Variants in PTPRD observed in about 807,000 individuals in gnomAD.
PTPRD encodes receptor-type tyrosine-protein phosphatase delta.
Under a neutral mutation model 214.5 loss-of-function variants are expected in PTPRD, and 34 were observed. The observed-to-expected ratio is 0.16, with a 90% confidence interval of 0.12 to 0.21. PTPRD has a LOEUF of 0.21. PTPRD is among the 10% of genes least tolerant of loss of function. The pLI is 1.00. For synonymous variants in PTPRD, 1,128 were observed against 845.7 expected (o/e 1.33, Z -5.79); for missense variants, 2,545 against 2,398.7 (o/e 1.06, Z -1.27).
At chr9:8,391,468 C>T (rs1298153805) in intron 36 of PTPRD, among the ~76,000 whole-genome samples, 1 of 152,102 alleles carries the variant, frequency 6.6e-6, no homozygotes, top group Non-Finnish European at 1.5e-5. Flanking sequence ...TCCCCAACAC[C>T]AGATTACTGT....
intron 12 of PTPRD, among the ~76,000 whole-genome samples, chr9:8,694,627 AACTT>A (rs1467093620): frequency 5.3e-5 from 8 of 152,206 alleles, no homozygotes; most frequent in Non-Finnish European, 1.0e-4. Flanking sequence ...ATGCCAAGGA[AACTT>A]ACTTGCTTGT....
chr9:10,040,345 C>T (rs12554898), intron 3 of PTPRD, among the ~76,000 whole-genome samples: 51,013 of 151,780 alleles, frequency 0.34, 9,335 homozygotes, highest in East Asian at 0.62. Context: ...ATTCAACAAT[C>T]GGTCGAAACA....
chr9:9,515,585 T>A (rs1229869618), intron 8 of PTPRD, among the ~76,000 whole-genome samples: 1 of 152,016 alleles, frequency 6.6e-6, no homozygotes, highest in Non-Finnish European at 1.5e-5. Context: ...CAAAATGAAT[T>A]AAATTATGTA....
At chr9:8,892,135 C>A (rs990396130) in intron 11 of PTPRD, among the ~76,000 whole-genome samples, 9 of 152,162 alleles carry the variant, frequency 5.9e-5, no homozygotes, top group Non-Finnish European at 1.2e-4. Flanking sequence ...CTGACCCCAG[C>A]CCTAACAGCA....
chr9:9,450,034 C>G (rs2091671534), intron 8 of PTPRD, among the ~76,000 whole-genome samples: 1 of 151,842 alleles, frequency 6.6e-6, no homozygotes, highest in Admixed American at 6.6e-5. Context: ...GCTTCCAGCT[C>G]CAACCAAAGC....
intron 4 of PTPRD, among the ~76,000 whole-genome samples, chr9:10,011,452 T>A (rs933939082): frequency 2.0e-5 from 3 of 152,016 alleles, no homozygotes; most frequent in Non-Finnish European, 4.4e-5. Context: ...AACTCATTTT[T>A]TGCTTTTAGC....
intron 10 of PTPRD, among the ~76,000 whole-genome samples, chr9:9,156,755 GT>G (rs2099881530): frequency 1.3e-5 from 2 of 150,828 alleles, no homozygotes; most frequent in Admixed American, 6.6e-5. Context: ...AAATCTTAGA[GT>G]CTTCTCCATT....
chr9:8,532,621 CCTTA>C (rs749036325), intron 14 of PTPRD, among the ~76,000 whole-genome samples: 1 of 152,084 alleles, frequency 6.6e-6, no homozygotes, highest in South Asian at 2.1e-4. Flanking sequence ...CTTTAAAGTG[CCTTA>C]CTTATCACTG....
intron 3 of PTPRD, among the ~76,000 whole-genome samples, chr9:10,155,305 T>C (rs941874934): frequency 5.9e-5 from 9 of 152,122 alleles, no homozygotes; most frequent in Non-Finnish European, 1.0e-4. Flanking sequence ...TTTTATATCA[T>C]GAGACTTTGC....
chr9:10,581,465 G>A (rs1482749145), intron 2 of PTPRD, among the ~76,000 whole-genome samples: 1 of 152,174 alleles, frequency 6.6e-6, no homozygotes, highest in Non-Finnish European at 1.5e-5. Flanking sequence ...GAATGTCATG[G>A]TAGGGGCAGT....
intron 10 of PTPRD, among the ~76,000 whole-genome samples, chr9:9,113,865 G>C (rs755415563): frequency 1.3e-5 from 2 of 152,134 alleles, no homozygotes; most frequent in African/African-American, 4.8e-5. Flanking sequence ...TCTCTTTATA[G>C]ATAGCAATAT....
At chr9:10,026,155 T>C (rs965373424) in intron 4 of PTPRD, among the ~76,000 whole-genome samples, 4 of 152,168 alleles carry the variant, frequency 2.6e-5, no homozygotes, top group African/African-American at 7.2e-5. Flanking sequence ...CCAATGCCAG[T>C]TAACTAAAAA....
intron 30 of PTPRD, among the ~76,000 whole-genome samples, chr9:8,482,464 CATGAACT>C (rs1463811459): frequency 2.0e-5 from 3 of 152,004 alleles, no homozygotes; most frequent in African/African-American, 7.2e-5. Flanking sequence ...TCCAACAATG[CATGAACT>C]ATGAATAAAT....
In PTPRD at chr9:8,553,481, A is replaced by T. The variant is rs573133118; in HGVS notation, c.353-24702T>A. Among the ~76,000 whole-genome samples, 247 of 152,294 alleles carry T rather than the reference A, an allele frequency of 1.6e-3. 11 individuals are homozygous for T. In the South Asian group the frequency reaches 0.051, roughly 31 times the overall value. ...CATTAATTCCACTCTAAAATAATTA[A>T]ATCAATCCTTTATTTATCAGTCGTT... On this transcript the variant is annotated intron_variant, in intron 14 of 45. Transcript: ENST00000381196.
chr9:9,437,766 G>T (rs1321803211), intron 8 of PTPRD, among the ~76,000 whole-genome samples: 3 of 152,086 alleles, frequency 2.0e-5, no homozygotes, highest in Admixed American at 6.6e-5. Flanking sequence ...TGCTGCTCTG[G>T]GTTCAAATTT....
chr9:9,918,622 T>G (rs2081638572), intron 5 of PTPRD, among the ~76,000 whole-genome samples: 1 of 152,072 alleles, frequency 6.6e-6, no homozygotes, highest in African/African-American at 2.4e-5. Flanking sequence ...ACAGCAAAAC[T>G]GAAGGCGTGA....
intron 10 of PTPRD, among the ~76,000 whole-genome samples, chr9:9,087,197 A>T (rs2099768297): frequency 6.6e-6 from 1 of 152,114 alleles, no homozygotes; most frequent in African/African-American, 2.4e-5. Flanking sequence ...ATATTTTATT[A>T]CTATAAACGT....
intron 4 of PTPRD, among the ~76,000 whole-genome samples, chr9:9,957,271 CAT>C (rs2154014919): frequency 6.6e-6 from 1 of 152,210 alleles, no homozygotes; most frequent in East Asian, 1.9e-4. Context: ...AAATCCAAAT[CAT>C]ATGGAATTCT....
At chr9:8,786,290 A>G (rs2095962326) in intron 11 of PTPRD, among the ~76,000 whole-genome samples, 1 of 152,128 alleles carries the variant, frequency 6.6e-6, no homozygotes, top group South Asian at 2.1e-4. Flanking sequence ...AAATTCAACT[A>G]AAACAATTAC....
Sources: allele counts gnomAD v4.1 joint callset (sites outside exome capture counted in the v4.1 genomes callset), GRCh38; gene constraint gnomAD v4.1.1; transcripts MANE v1.5; gene names NCBI Gene and HGNC (gene_info 2026-07-23, HGNC 2026-07-21).